The following EXOC4 variants were observed in gnomAD, a reference collection of about 807,000 sequenced individuals.
The protein encoded by EXOC4 is SEC8-like 1.
EXOC4 carries 71 observed loss-of-function variants against 107.2 expected under a neutral mutation model. The ratio of observed to expected loss-of-function variants is 0.66; its 90% CI spans 0.55 to 0.81. The LOEUF (loss-of-function observed/expected upper bound fraction) is 0.81. Among genes scored for constraint, EXOC4 ranks in the 30% least tolerant of loss-of-function variants. The pLI is 0.00. For synonymous variants in EXOC4, 456 were observed against 441.2 expected (o/e 1.03, Z -0.42); for missense variants, 1,108 against 1,189.6 (o/e 0.93, Z 1.01).
chr7:133,305,756 A>T, intron 3 of EXOC4, 121 bp from the exon 4 acceptor site: 1 of 762,346 alleles, frequency 1.3e-6, no homozygotes, highest in Non-Finnish European at 2.0e-6. Context: ...AGTCTTTTAT[A>T]TGCTGATAAA....
Position 133,787,169 on chromosome 7 carries a change from T to G in EXOC4, c.1515-30156T>G, listed in dbSNP as rs1796588223. Among the ~76,000 whole-genome samples, 3 of 13,518 alleles carry G rather than the reference T, an allele frequency of 2.2e-4. No homozygotes were observed. In the Admixed American group the frequency reaches 3.5e-3, roughly 16 times the overall value. 8.9% of individuals were successfully genotyped at this position (13,518 alleles called of 152,430 possible). A position where few individuals can be genotyped will look rare whatever the true frequency, so the allele number is the denominator to read the frequency against. On this transcript the variant is annotated intron_variant, in intron 10 of 17. Coordinates refer to ENST00000253861, the MANE Select transcript of EXOC4 (RefSeq NM_021807.4). ...TGTTTTTTCTTTTCTTTTTTTTTTCTTTTCTTTTTTTTTTTGAGTCAGTGT... is the reference window on the plus strand; with the variant it reads ...TGTTTTTTCTTTTCTTTTTTTTTTCGTTTCTTTTTTTTTTTGAGTCAGTGT...
At chr7:133,758,286 G>A (rs769641377) in intron 10 of EXOC4, among the ~76,000 whole-genome samples, 1 of 152,020 alleles carries the variant, frequency 6.6e-6, no homozygotes, top group Non-Finnish European at 1.5e-5. Flanking sequence ...TTAGAGGCAC[G>A]TGCCACCATG....
At chr7:133,777,860 T>C (rs191385323) in intron 10 of EXOC4, among the ~76,000 whole-genome samples, 1,550 of 152,310 alleles carry the variant, frequency 0.01, 15 homozygotes, top group Non-Finnish European at 0.017. Flanking sequence ...GTATAGCTAG[T>C]ATATATGAAT....
At chr7:133,465,537 C>T (rs1584938503) in intron 7 of EXOC4, among the ~76,000 whole-genome samples, 1 of 152,130 alleles carries the variant, frequency 6.6e-6, no homozygotes, top group Middle Eastern at 3.4e-3. Context: ...CACTATTAAC[C>T]ACCCTGATTT....
chr7:133,803,384 A>G (rs972522287), intron 10 of EXOC4, among the ~76,000 whole-genome samples: 8 of 152,202 alleles, frequency 5.3e-5, no homozygotes, highest in South Asian at 2.1e-4. Context: ...AACCATTTCT[A>G]CAGGCTTTTT....
chr7:134,068,640 C>A (rs901789738), downstream of EXOC4, among the ~76,000 whole-genome samples: 1 of 152,174 alleles, frequency 6.6e-6, no homozygotes, highest in East Asian at 1.9e-4. Context: ...TACATTACTA[C>A]TAATCTGGTG....
At chr7:133,614,585 G>GT (rs1307504004) in intron 9 of EXOC4, among the ~76,000 whole-genome samples, 1 of 152,052 alleles carries the variant, frequency 6.6e-6, no homozygotes. Flanking sequence ...TCAGCATTAT[G>GT]TAAGAGAATC....
At chr7:134,019,827 G>T (rs1450902612) in intron 17 of EXOC4, among the ~76,000 whole-genome samples, 6 of 151,862 alleles carry the variant, frequency 4.0e-5, no homozygotes, top group Admixed American at 3.9e-4. Context: ...ATTTTCTCTG[G>T]TTGGGTGTCT....
intron 9 of EXOC4, among the ~76,000 whole-genome samples, chr7:133,512,233 C>T (rs1442606495): frequency 1.3e-5 from 2 of 152,030 alleles, no homozygotes; most frequent in African/African-American, 2.4e-5. Flanking sequence ...AGTTCAAGAC[C>T]AGCCTGGCCA....
intron 9 of EXOC4, among the ~76,000 whole-genome samples, chr7:133,522,673 C>T (rs771538044): frequency 6.6e-6 from 1 of 152,064 alleles, no homozygotes; most frequent in African/African-American, 2.4e-5. Context: ...GGATGGCATA[C>T]GGCACAGAGT....
At chr7:133,694,763 A>G (rs1033174537) in intron 10 of EXOC4, among the ~76,000 whole-genome samples, 2 of 152,152 alleles carry the variant, frequency 1.3e-5, no homozygotes, top group African/African-American at 4.8e-5. Context: ...TAAATTACTA[A>G]CTGTAGTCAC....
intron 9 of EXOC4, among the ~76,000 whole-genome samples, chr7:133,551,336 T>C (rs1031288177): frequency 2.0e-5 from 3 of 152,172 alleles, no homozygotes; most frequent in African/African-American, 7.2e-5. Flanking sequence ...AACCTTACTA[T>C]TGTATACTTG....
chr7:133,498,303 C>T (rs528169140), intron 9 of EXOC4, among the ~76,000 whole-genome samples: 11 of 152,032 alleles, frequency 7.2e-5, no homozygotes, highest in African/African-American at 2.4e-4. Flanking sequence ...ATGTCCCTTG[C>T]GGCTGGGCAC....
At chr7:133,913,219 G>A (rs778551380) in intron 12 of EXOC4, among the ~76,000 whole-genome samples, 3 of 152,182 alleles carry the variant, frequency 2.0e-5, no homozygotes, top group Non-Finnish European at 4.4e-5. Context: ...AGACACAAAG[G>A]AGAAAAGGAA....
At chr7:133,318,927 C>A (rs1024796861) in intron 5 of EXOC4, among the ~76,000 whole-genome samples, 2 of 152,142 alleles carry the variant, frequency 1.3e-5, no homozygotes, top group Admixed American at 6.5e-5. Flanking sequence ...GTTTTGTTTT[C>A]TCCCTCTTTC....
the EXOC4 span, among the ~76,000 whole-genome samples, chr7:134,094,344 T>A: frequency 6.6e-6 from 1 of 151,954 alleles, no homozygotes; most frequent in African/African-American, 2.4e-5. Context: ...AAACACACAA[T>A]CTCCTAAAAC....
chr7:133,632,683 A>C (rs537382345), intron 10 of EXOC4, among the ~76,000 whole-genome samples: 26 of 152,158 alleles, frequency 1.7e-4, no homozygotes, highest in African/African-American at 5.8e-4. Flanking sequence ...ATAATTCAAA[A>C]TTTTTCTTTT....
At chr7:133,772,820 C>T (rs1477720781) in intron 10 of EXOC4, among the ~76,000 whole-genome samples, 1 of 152,046 alleles carries the variant, frequency 6.6e-6, no homozygotes, top group Non-Finnish European at 1.5e-5. Context: ...CTTGCAATTC[C>T]ATTCTCCTGA....
downstream of EXOC4, among the ~76,000 whole-genome samples, chr7:134,069,404 T>C: frequency 7.1e-6 from 1 of 140,690 alleles, no homozygotes; most frequent in African/African-American, 2.7e-5. Context: ...CTCCCCCTAC[T>C]TCTCCTTCCT....
Sources: allele counts gnomAD v4.1 joint callset (sites outside exome capture counted in the v4.1 genomes callset), GRCh38; gene constraint gnomAD v4.1.1; transcripts MANE v1.5; gene names NCBI Gene and HGNC (gene_info 2026-07-23, HGNC 2026-07-21).